The following MFSD1 variants were observed in gnomAD, a reference collection of about 807,000 sequenced individuals.
The protein encoded by MFSD1 is major facilitator superfamily domain containing 1, also known as lysosomal dipeptide transporter MFSD1.
MFSD1 carries 59 observed loss-of-function variants against 67.1 expected under a neutral mutation model. That is an observed-to-expected ratio of 0.88 (90% CI 0.71 to 1.09). The LOEUF is 1.09. MFSD1 is among the 50% of genes least tolerant of loss of function. MFSD1 has a pLI of 0.00. For synonymous variants in MFSD1, 213 were observed against 200.3 expected, an observed-to-expected ratio of 1.06 and a Z score of -0.54; for missense variants, 552 against 566.1, an observed-to-expected ratio of 0.97 and a Z score of 0.25.
Position 158,804,327 on chromosome 3 carries a change from T to C in MFSD1, c.172T>C (p.Phe58Leu). The change falls in exon 2 of 16, where the codon TTT becomes CTT. Residue 58 changes from phenylalanine to leucine, a missense_variant. Physicochemically the swap from Phe to Leu is conservative, Grantham distance 22 (BLOSUM62 0). Coordinates refer to ENST00000415822, the MANE Select transcript of MFSD1 (RefSeq NM_022736.4). ...TATTTGCTCTTTTCTAGGCAGCTAT[T>C]TTTGCTATGATAATCCTGCTGCCCT... ...LMCFLGFGSY[F>L]CYDNPAALQT... The C allele has an allele frequency of 6.2e-7, 1 of 1,609,924 alleles. No individual in the cohort carries two copies. Among genetic ancestry groups the C allele is most frequent in the Admixed American group, 1.7e-5 (1 of 59,192 alleles).
At chr3:158,803,912 CT>C (rs1729581701) in intron 1 of MFSD1, among the ~76,000 whole-genome samples, 1 of 152,040 alleles carries the variant, frequency 6.6e-6, no homozygotes, top group Non-Finnish European at 1.5e-5. Context: ...CACTCCATTC[CT>C]TTGTCCTTAA....
chr3:158,808,610 C>T (rs1335392468), intron 5 of MFSD1, among the ~76,000 whole-genome samples: 2 of 152,280 alleles, frequency 1.3e-5, no homozygotes, highest in East Asian at 1.9e-4. Context: ...TGTTGCCTAT[C>T]ATGGTTATTA....
At chr3:158,820,068 ATGT>A in intron 8 of MFSD1, 144 bp from the exon 9 acceptor site, 1 of 567,406 alleles carries the variant, frequency 1.8e-6, no homozygotes, top group East Asian at 2.8e-5. Flanking sequence ...CCCAGAAATG[ATGT>A]TTGTGTAATT....
chr3:158,807,381 A>G lies in MFSD1; in HGVS notation c.373-15A>G. ...TTACTTTTTCATTAATTTGACATGA[A>G]CTTCTACATTATAGGTTGTTTTTGC... is the stretch of plus-strand genomic sequence containing the variant. On this transcript the variant is annotated splice_polypyrimidine_tract_variant and intron_variant, in intron 4 of 15. Coordinates refer to ENST00000415822, the MANE Select transcript of MFSD1 (RefSeq NM_022736.4). The G allele has an allele frequency of 6.2e-7, 1 of 1,602,674 alleles. No individual in the cohort carries two copies. Among genetic ancestry groups the G allele is most frequent in the Non-Finnish European group, 8.5e-7 (1 of 1,171,678 alleles).
Position 158,822,023 on chromosome 3 carries a change from T to C in MFSD1, c.960T>C (p.Phe320=), listed in dbSNP as rs751883780. The C allele has an allele frequency of 3.1e-6, 5 of 1,613,936 alleles. No individual in the cohort carries two copies. The highest frequency in any genetic ancestry group is 4.2e-6 in the Non-Finnish European group (5 of 1,179,852). ...YVISAPMSPV[F]GLLVDKTGKN... ...TATCAGCTCCCATGTCCCCGGTGTT[T>C]GGGCTCCTGGTGGATAAAACAGGGA... Residue 320 remains phenylalanine, a synonymous_variant, in exon 11 of 16, where the codon TTT becomes TTC. Coordinates refer to ENST00000415822, the MANE Select transcript of MFSD1 (RefSeq NM_022736.4).
chr3:158,828,708 T>G (rs1231415666), intron 15 of MFSD1, among the ~76,000 whole-genome samples: 1 of 152,204 alleles, frequency 6.6e-6, no homozygotes, highest in Non-Finnish European at 1.5e-5. Flanking sequence ...CAATTACTTA[T>G]GTATAATAGA....
intron 7 of MFSD1, among the ~76,000 whole-genome samples, chr3:158,817,027 A>G (rs1002473511): frequency 9.2e-5 from 14 of 152,286 alleles, no homozygotes; most frequent in Non-Finnish European, 1.0e-4. Flanking sequence ...TTTTGGTACC[A>G]GTACCATGCT....
In MFSD1 at chr3:158,823,432, T is replaced by C. The variant is rs754489293; in HGVS notation, c.1082T>C (p.Leu361Pro). The C allele has an allele frequency of 1.9e-6, 3 of 1,611,668 alleles. No individual in the cohort carries two copies. Among genetic ancestry groups the C allele is most frequent in the South Asian group, 2.2e-5 (2 of 91,038 alleles). ...TMWNPWIAMC[L>P]LGLSYSLLAC... ...TTTCTGCGTTGCTTTCTGTAGTGTC[T>C]TCTGGGACTCTCCTACTCATTGCTT... Residue 361 changes from leucine to proline, a missense_variant, in exon 12 of 16, where the codon CTT becomes CCT. Transcript: ENST00000415822.
intron 11 of MFSD1, 43 bp from the exon 12 acceptor site, chr3:158,823,385 G>A: frequency 7.6e-7 from 1 of 1,310,042 alleles, no homozygotes; most frequent in Admixed American, 1.7e-5. Flanking sequence ...ATCACCTTTT[G>A]GTTAATGTAA....
At chr3:158,825,399 C>T (rs915993870) in intron 13 of MFSD1, 2 of 152,204 alleles carry the variant, frequency 1.3e-5, no homozygotes, top group Non-Finnish European at 2.9e-5. Context: ...GCCTCAAGCG[C>T]TCCTCCTGCC....
intron 7 of MFSD1, among the ~76,000 whole-genome samples, chr3:158,816,639 A>G (rs969675974): frequency 2.0e-5 from 3 of 150,616 alleles, no homozygotes; most frequent in African/African-American, 7.3e-5. Context: ...TGCTGTGCAG[A>G]AGCTCTTTAG....
chr3:158,809,156 T>G, intron 5 of MFSD1, 23 bp from the exon 6 acceptor site: 1 of 1,510,534 alleles, frequency 6.6e-7, no homozygotes, highest in Non-Finnish European at 8.9e-7. Context: ...ACTTCTGGTT[T>G]TTTTTTTTTT....
intron 15 of MFSD1, among the ~76,000 whole-genome samples, chr3:158,827,795 C>T (rs1731061490): frequency 6.6e-6 from 1 of 151,948 alleles, no homozygotes; most frequent in African/African-American, 2.4e-5. Flanking sequence ...ATTATAACAA[C>T]ATTCTTGTTT....
At chr3:158,823,615 A>G (rs1298503720) in intron 12 of MFSD1, 90 bp downstream of exon 12, 4 of 978,628 alleles carry the variant, frequency 4.1e-6, no homozygotes. Flanking sequence ...TCTAGTCGTC[A>G]TCCAGCCTCT....
intron 7 of MFSD1, among the ~76,000 whole-genome samples, chr3:158,818,317 A>C (rs1008296037): frequency 6.6e-6 from 1 of 152,168 alleles, no homozygotes; most frequent in African/African-American, 2.4e-5. Flanking sequence ...AGTATGTAGC[A>C]TATCCATCAC....
chr3:158,805,302 T>A (rs1355884315), intron 2 of MFSD1, 60 bp from the exon 3 acceptor site: 2 of 1,273,966 alleles, frequency 1.6e-6, no homozygotes, highest in Non-Finnish European at 2.3e-6. Flanking sequence ...CATATTTTGA[T>A]TTGTTAGTTG....
rs781124734 is a variant in MFSD1, at chr3:158,802,245, G to C, written c.93G>C (p.Pro31=). 6.2e-7 allele frequency: 1 copy of C among 1,611,446 alleles called. No individual in the cohort carries two copies. Among genetic ancestry groups the C allele is most frequent in the Admixed American group, 1.7e-5 (1 of 59,854 alleles). The change falls in exon 1 of 16, where the codon CCG becomes CCC. Residue 31 remains proline (P), a synonymous_variant. Transcript: ENST00000415822. ...RGAPAAPGAL[P]ALCDPSRLAH... is the part of the protein sequence containing the mutation. ...CCCCGGCCGCCCCTGGAGCCCTGCCGGCCCTCTGCGACCCCAGTCGCCTGG... is the reference window on the plus strand; with the variant it reads ...CCCCGGCCGCCCCTGGAGCCCTGCCCGCCCTCTGCGACCCCAGTCGCCTGG...
chr3:158,809,166 T>C lies in MFSD1; in HGVS notation c.441-13T>C, dbSNP rs771652325. 1 of 1,546,200 alleles carries C rather than the reference T, an allele frequency of 6.5e-7. No homozygotes were observed. Among genetic ancestry groups the C allele is most frequent in the Non-Finnish European group, 8.7e-7 (1 of 1,151,944 alleles). On this transcript the variant is annotated splice_polypyrimidine_tract_variant and intron_variant, in intron 5 of 15. Transcript: ENST00000415822. ...TTGTGACTTCTGGTTTTTTTTTTTT[T>C]TTCTATTTTTAGGATTGGTGGCGAG... is the stretch of plus-strand genomic sequence containing the variant.
intron 4 of MFSD1, 81 bp downstream of exon 4, chr3:158,807,163 G>T: frequency 7.5e-7 from 1 of 1,324,632 alleles, no homozygotes; most frequent in Admixed American, 1.8e-5. Context: ...GCAAAGCTGT[G>T]TTTAATTAAT....
Sources: gnomAD v4.1 joint callset for allele counts (sites outside exome capture counted in the v4.1 genomes callset) on GRCh38, gnomAD v4.1.1 for gene constraint, MANE v1.5 for transcripts, NCBI Gene and HGNC (gene_info 2026-07-23, HGNC 2026-07-21) for gene names.